Variants in COLGALT2 observed in about 807,000 individuals in gnomAD.
COLGALT2 encodes procollagen galactosyltransferase 2.
A neutral mutation model predicts 73.4 loss-of-function variants in COLGALT2; 49 were observed. The ratio of observed to expected loss-of-function variants is 0.67; its 90% CI spans 0.53 to 0.85. The LOEUF (loss-of-function observed/expected upper bound fraction) is 0.85, where lower values mean the gene tolerates loss of function less well. Among genes scored for constraint, COLGALT2 ranks in the 40% least tolerant of loss-of-function variants. The pLI, the probability that COLGALT2 is intolerant of heterozygous loss-of-function variation, is 0.00. For synonymous variants in COLGALT2, 295 were observed against 307.6 expected, an observed-to-expected ratio of 0.96 and a Z score of 0.43; for missense variants, 722 against 790.2, an observed-to-expected ratio of 0.91 and a Z score of 1.03.
At chr1:184,006,875 A>C (rs965260236) in intron 1 of COLGALT2, among the ~76,000 whole-genome samples, 3 of 152,172 alleles carry the variant, frequency 2.0e-5, no homozygotes, top group Non-Finnish European at 4.4e-5. Context: ...ATTCACTGGC[A>C]CTTTGCAATA....
At chr1:184,021,941 T>C (rs866047117) in intron 1 of COLGALT2, among the ~76,000 whole-genome samples, 1 of 152,188 alleles carries the variant, frequency 6.6e-6, no homozygotes, top group Non-Finnish European at 1.5e-5. Context: ...GCAATTCTTC[T>C]ACCAAAAATG....
At chr1:183,954,065 T>C (rs1670485104) in intron 7 of COLGALT2, among the ~76,000 whole-genome samples, 1 of 152,168 alleles carries the variant, frequency 6.6e-6, no homozygotes, top group South Asian at 2.1e-4. Context: ...CTGAATACTG[T>C]TCAGCAGCTA....
At chr1:184,013,793 G>C (rs1230548457) in intron 1 of COLGALT2, among the ~76,000 whole-genome samples, 1 of 152,146 alleles carries the variant, frequency 6.6e-6, no homozygotes, top group Non-Finnish European at 1.5e-5. Flanking sequence ...GGAAATGGGA[G>C]ATGGCGGTGA....
intron 1 of COLGALT2, among the ~76,000 whole-genome samples, chr1:184,025,837 A>G (rs951847093): frequency 6.6e-6 from 1 of 152,238 alleles, no homozygotes; most frequent in Admixed American, 6.5e-5. Context: ...CTGAGGGTCC[A>G]GGAAGCATCG....
intron 7 of COLGALT2, among the ~76,000 whole-genome samples, chr1:183,953,020 G>GA (rs1208773478): frequency 2.6e-5 from 4 of 152,094 alleles, no homozygotes; most frequent in African/African-American, 9.7e-5. Flanking sequence ...AAAATCAACA[G>GA]AAATAAATCC....
intron 2 of COLGALT2, among the ~76,000 whole-genome samples, chr1:183,976,360 T>A (rs1671190229): frequency 6.7e-6 from 1 of 148,580 alleles, no homozygotes; most frequent in East Asian, 1.9e-4. Flanking sequence ...TATTATATCA[T>A]ATTTATATAT....
intron 1 of COLGALT2, among the ~76,000 whole-genome samples, chr1:184,007,110 G>T (rs1474217375): frequency 6.6e-6 from 1 of 152,206 alleles, no homozygotes; most frequent in East Asian, 1.9e-4. Flanking sequence ...TGCAGTATGG[G>T]TGTCAGTGGC....
At position 183,938,798 on chromosome 1, in the gene COLGALT2, G is replaced by T; in HGVS notation, c.1844C>A (p.Thr615Asn). 1 of 1,614,198 alleles carries T rather than the reference G, an allele frequency of 6.2e-7. No individual in the cohort carries two copies. The highest frequency in any genetic ancestry group is 8.5e-7 in the Non-Finnish European group (1 of 1,180,030). The change falls in exon 12 of 12, where the codon ACC becomes AAC. Residue 615 changes from threonine to asparagine, a missense_variant. By Grantham distance (65) the Thr-to-Asn change is moderately conservative. Coordinates refer to ENST00000361927, the MANE Select transcript of COLGALT2 (RefSeq NM_015101.4). ...AKNTEALPPP[T>N]SLDTVPSRDE... is the part of the protein sequence containing the mutation. Reference sequence around the variant, plus strand: ...CCTTGAAGGCACAGTGTCCAGGGAGGTTGGCGGTGGCAGGGCCTCTGTGTT... The same window carrying T: ...CCTTGAAGGCACAGTGTCCAGGGAGTTTGGCGGTGGCAGGGCCTCTGTGTT...
Position 183,989,719 on chromosome 1 carries a change from A to T in COLGALT2, c.264-11199T>A, listed in dbSNP as rs927680467. Among the ~76,000 whole-genome samples, 4 of 152,354 alleles carry T rather than the reference A, an allele frequency of 2.6e-5. 1 individual carries two copies. The highest frequency in any genetic ancestry group is 1.5e-5 in the Non-Finnish European group (1 of 68,032). ...TTGCTAACGACATCCTTAATCAAAT[A>T]AAAAGTATGAAGTCAGGAGGCATGG... On this transcript the variant is annotated intron_variant, in intron 1 of 11. Transcript: ENST00000361927.
chr1:183,993,253 T>C (rs567073208), intron 1 of COLGALT2, among the ~76,000 whole-genome samples: 1 of 152,360 alleles, frequency 6.6e-6, no homozygotes. Context: ...TGCTGTTTGG[T>C]ATTAAGCTGC....
chr1:184,030,534 C>T (rs528486049), intron 1 of COLGALT2, among the ~76,000 whole-genome samples: 16 of 152,124 alleles, frequency 1.1e-4, no homozygotes, highest in South Asian at 4.1e-4. Flanking sequence ...GACTTGGAGA[C>T]GGTGCCACAC....
In COLGALT2 at chr1:183,938,062, T is replaced by C. The variant is rs968779891; in HGVS notation, c.*699A>G. The C allele has an allele frequency of 6.1e-6, 6 of 985,366 alleles. No individual in the cohort carries two copies. The African/African-American group carries it at 1.0e-4, about 17-fold the overall frequency. The allele number at this position is 985,366 out of a possible 1,614,324, so 61.0% of individuals were successfully genotyped here. A position where few individuals can be genotyped will look rare whatever the true frequency, so the allele number is the denominator to read the frequency against. On this transcript the variant is annotated 3_prime_UTR_variant, in exon 12 of 12. Coordinates refer to ENST00000361927, the MANE Select transcript of COLGALT2 (RefSeq NM_015101.4). Reference sequence around the variant, plus strand: ...TTTTCCCTCAAATACCTACACAAACTGTCAAATATCTACTAAATTATATCC... The same window carrying C: ...TTTTCCCTCAAATACCTACACAAACCGTCAAATATCTACTAAATTATATCC...
intron 10 of COLGALT2, among the ~76,000 whole-genome samples, chr1:183,941,760 G>A (rs939713948): frequency 2.6e-5 from 4 of 152,168 alleles, no homozygotes; most frequent in Admixed American, 1.3e-4. Flanking sequence ...TTCAGATTAC[G>A]GAGTCTGAGC....
intron 8 of COLGALT2, among the ~76,000 whole-genome samples, chr1:183,949,577 C>T (rs993459429): frequency 6.6e-6 from 1 of 152,134 alleles, no homozygotes; most frequent in African/African-American, 2.4e-5. Context: ...CAAAAATTTA[C>T]TCAACATAGA....
chr1:184,001,937 C>G (rs988263027), intron 1 of COLGALT2, among the ~76,000 whole-genome samples: 15 of 152,244 alleles, frequency 9.9e-5, no homozygotes, highest in Non-Finnish European at 2.1e-4. Context: ...TAATGCTTCT[C>G]TGGCAGAAAT....
chr1:184,009,210 T>A (rs1447935674), intron 1 of COLGALT2, among the ~76,000 whole-genome samples: 1 of 152,174 alleles, frequency 6.6e-6, no homozygotes, highest in African/African-American at 2.4e-5. Flanking sequence ...CTGAACAAAG[T>A]CAAGATCAGA....
At chr1:184,018,035 A>C (rs969716356) in intron 1 of COLGALT2, among the ~76,000 whole-genome samples, 3 of 152,246 alleles carry the variant, frequency 2.0e-5, no homozygotes, top group African/African-American at 7.2e-5. Flanking sequence ...CTACATAACA[A>C]ATTGGTTAGA....
intron 10 of COLGALT2, among the ~76,000 whole-genome samples, chr1:183,941,266 T>TCA (rs2102787909): frequency 6.6e-6 from 1 of 151,864 alleles, no homozygotes; most frequent in South Asian, 2.1e-4. Context: ...GGGGAAAGAG[T>TCA]CAGTCTGCAG....
At chr1:184,003,763 T>C (rs928279536) in intron 1 of COLGALT2, among the ~76,000 whole-genome samples, 2 of 152,204 alleles carry the variant, frequency 1.3e-5, no homozygotes, top group African/African-American at 4.8e-5. Context: ...TATTACCATG[T>C]ACATACATTA....
Sources: allele counts gnomAD v4.1 joint callset (sites outside exome capture counted in the v4.1 genomes callset), GRCh38; gene constraint gnomAD v4.1.1; transcripts MANE v1.5; gene names NCBI Gene and HGNC (gene_info 2026-07-23, HGNC 2026-07-21).